The following PDZRN4 variants were observed in gnomAD, a reference collection of about 807,000 sequenced individuals.
PDZRN4 encodes the protein PDZ domain-containing RING finger protein 4.
Under a neutral mutation model 99.0 loss-of-function variants are expected in PDZRN4, and 70 were observed. The ratio of observed to expected loss-of-function variants is 0.71; its 90% CI spans 0.58 to 0.86. The LOEUF is 0.86. Ranked by LOEUF, PDZRN4 falls within the 40% of genes least tolerant of loss-of-function variation. The pLI is 0.00. For missense variants in PDZRN4, 1,474 were observed against 1,331.2 expected (o/e 1.11, Z -1.67); for synonymous variants, 551 against 501.6 (o/e 1.10, Z -1.32).
At chr12:41,517,624 A>G (rs773283059) in intron 5 of PDZRN4, among the ~76,000 whole-genome samples, 1 of 152,082 alleles carries the variant, frequency 6.6e-6, no homozygotes, top group Admixed American at 6.6e-5. Flanking sequence ...TGAATGAATC[A>G]TATTCCACCT....
intron 3 of PDZRN4, among the ~76,000 whole-genome samples, chr12:41,246,270 G>A (rs1489735052): frequency 6.6e-6 from 1 of 151,762 alleles, no homozygotes; most frequent in African/African-American, 2.4e-5. Flanking sequence ...TATATTCATC[G>A]AGGTTTTAAA....
chr12:41,555,552 T>G, intron 6 of PDZRN4, 146 bp from the exon 7 acceptor site: 1 of 578,964 alleles, frequency 1.7e-6, no homozygotes, highest in South Asian at 2.7e-5. Flanking sequence ...CAATGAGTTT[T>G]GTTGGAGAGA....
At chr12:41,216,137 T>G (rs1449495851) in intron 3 of PDZRN4, among the ~76,000 whole-genome samples, 1 of 152,012 alleles carries the variant, frequency 6.6e-6, no homozygotes, top group Non-Finnish European at 1.5e-5. Flanking sequence ...TGACATCCAT[T>G]TCCATAGGCC....
chr12:41,278,631 C>T (rs1198221975), intron 3 of PDZRN4, among the ~76,000 whole-genome samples: 4 of 152,180 alleles, frequency 2.6e-5, no homozygotes, highest in African/African-American at 9.7e-5. Context: ...TAAAAACAGT[C>T]TCTTAATAAT....
intron 5 of PDZRN4, among the ~76,000 whole-genome samples, chr12:41,550,091 C>G (rs1214995281): frequency 6.6e-6 from 1 of 152,134 alleles, no homozygotes; most frequent in African/African-American, 2.4e-5. Flanking sequence ...AGATTGTGCC[C>G]TTTTTGTTTT....
chr12:41,512,741 G>A (rs1938328124), intron 5 of PDZRN4, among the ~76,000 whole-genome samples: 1 of 152,074 alleles, frequency 6.6e-6, no homozygotes, highest in South Asian at 2.1e-4. Context: ...TGGGGTATTG[G>A]ACCTGGGCGG....
intron 3 of PDZRN4, among the ~76,000 whole-genome samples, chr12:41,358,382 G>C (rs1027106531): frequency 2.6e-5 from 4 of 151,840 alleles, no homozygotes; most frequent in African/African-American, 9.7e-5. Context: ...AAATTTCCCA[G>C]TTATTCATTT....
intron 3 of PDZRN4, among the ~76,000 whole-genome samples, chr12:41,488,434 AAAATTTATTGAAACACGCTATTTGTTG>A (rs2120620424): frequency 6.6e-6 from 1 of 152,342 alleles, no homozygotes; most frequent in African/African-American, 2.4e-5. Context: ...ATCTATGTGG[AAAATTTATTGAAACACGCTATTTGTTG>A]AAATAACTAA....
At chr12:41,521,649 A>G (rs558870216) in intron 5 of PDZRN4, among the ~76,000 whole-genome samples, 1 of 152,256 alleles carries the variant, frequency 6.6e-6, no homozygotes, top group Admixed American at 6.5e-5. Flanking sequence ...GTGAAGGTTA[A>G]ATATTCACCT....
intron 3 of PDZRN4, among the ~76,000 whole-genome samples, chr12:41,465,324 T>C (rs1407946761): frequency 6.6e-6 from 1 of 152,238 alleles, no homozygotes; most frequent in Non-Finnish European, 1.5e-5. Flanking sequence ...TACATTTTGA[T>C]ATCTAAACAC....
At chr12:41,207,225 C>T (rs974652261) in intron 3 of PDZRN4, among the ~76,000 whole-genome samples, 1 of 151,182 alleles carries the variant, frequency 6.6e-6, no homozygotes, top group Non-Finnish European at 1.5e-5. Context: ...TTTTTGGATC[C>T]AAATTAAAAT....
chr12:41,434,723 C>A (rs1331987895), intron 3 of PDZRN4, among the ~76,000 whole-genome samples: 2 of 152,116 alleles, frequency 1.3e-5, no homozygotes, highest in South Asian at 2.1e-4. Context: ...GTAACTATAT[C>A]TTGAAATACA....
chr12:41,255,856 A>G (rs1951201871), intron 3 of PDZRN4, among the ~76,000 whole-genome samples: 1 of 152,146 alleles, frequency 6.6e-6, no homozygotes, highest in Admixed American at 6.6e-5. Flanking sequence ...GCTCCTTTGA[A>G]CAACCAGCTC....
intron 3 of PDZRN4, among the ~76,000 whole-genome samples, chr12:41,275,131 G>A (rs1951342222): frequency 6.6e-6 from 1 of 152,134 alleles, no homozygotes; most frequent in African/African-American, 2.4e-5. Context: ...ACTGATGCCA[G>A]AAGCAACTCT....
chr12:41,476,511 C>T (rs1814993739), intron 3 of PDZRN4, among the ~76,000 whole-genome samples: 6 of 152,202 alleles, frequency 3.9e-5, no homozygotes, highest in Admixed American at 3.9e-4. Context: ...GCTTCACCCA[C>T]TTAGCCCTCA....
intron 5 of PDZRN4, among the ~76,000 whole-genome samples, chr12:41,536,767 A>AAAAAAAAAAAAAAG (rs1938755929): frequency 6.6e-6 from 1 of 151,876 alleles, no homozygotes; most frequent in South Asian, 2.1e-4. Flanking sequence ...AAAGTAAAAA[A>AAAAAAAAAAAAAAG]AAAAAACCCT....
At chr12:41,285,463 T>C (rs776345278) in intron 3 of PDZRN4, among the ~76,000 whole-genome samples, 4 of 152,174 alleles carry the variant, frequency 2.6e-5, no homozygotes, top group Non-Finnish European at 5.9e-5. Flanking sequence ...CTCAAGGATC[T>C]AGAGCCAGAA....
At chr12:41,281,789 A>G (rs1398972237) in intron 3 of PDZRN4, among the ~76,000 whole-genome samples, 2 of 152,148 alleles carry the variant, frequency 1.3e-5, no homozygotes, top group African/African-American at 2.4e-5. Flanking sequence ...GCTGGAAAAC[A>G]CAGTTCAGGA....
intron 5 of PDZRN4, among the ~76,000 whole-genome samples, chr12:41,541,974 G>C (rs533801184): frequency 2.6e-5 from 4 of 152,248 alleles, no homozygotes; most frequent in African/African-American, 9.6e-5. Flanking sequence ...ATCCCAAACA[G>C]TAGATGGTAT....
Sources: allele counts gnomAD v4.1 joint callset (sites outside exome capture counted in the v4.1 genomes callset), GRCh38; gene constraint gnomAD v4.1.1; transcripts MANE v1.5; gene names NCBI Gene and HGNC (gene_info 2026-07-23, HGNC 2026-07-21).